The following GRIA3 variants were observed in gnomAD, a reference collection of about 807,000 sequenced individuals.
GRIA3 encodes glutamate receptor 3.
Under a neutral mutation model 63.0 loss-of-function variants are expected in GRIA3, and 3 were observed. The observed-to-expected ratio is 0.05, with a 90% CI of 0.02 to 0.12. The LOEUF (loss-of-function observed/expected upper bound fraction) is 0.12. Ranked by LOEUF, GRIA3 falls within the 10% of genes least tolerant of loss-of-function variation. The probability of loss-of-function intolerance (pLI) is 1.00; values close to 1 mark genes in which losing one functional copy is unlikely to be tolerated. For missense variants in GRIA3, 347 were observed against 700.9 expected (o/e 0.50, Z 5.70); for synonymous variants, 274 against 257.9 (o/e 1.06, Z -0.60).
chrX:123,418,357 A>C (rs1316005570), intron 11 of GRIA3, among the ~76,000 whole-genome samples: 2 of 111,795 alleles, frequency 1.8e-5, no homozygotes, highest in Non-Finnish European at 3.8e-5. Flanking sequence ...GTTTGGACAA[A>C]GTGCTCTTAG....
chrX:123,302,725 C>T, intron 3 of GRIA3, among the ~76,000 whole-genome samples: 1 of 111,446 alleles, frequency 9.0e-6, no homozygotes, highest in Non-Finnish European at 1.9e-5. Context: ...TTAGAGAAGT[C>T]AAGGGTAACA....
intron 4 of GRIA3, among the ~76,000 whole-genome samples, chrX:123,330,261 A>T (rs1001532448): frequency 2.7e-5 from 3 of 112,005 alleles, no homozygotes; most frequent in African/African-American, 9.7e-5. Flanking sequence ...TTTTATCCCA[A>T]ATTTACAGAT....
intron 3 of GRIA3, among the ~76,000 whole-genome samples, chrX:123,269,733 A>G (rs1436217391): frequency 8.9e-6 from 1 of 111,933 alleles, no homozygotes; most frequent in Non-Finnish European, 1.9e-5. Context: ...ATTTCCTTCC[A>G]ACAATCCTAA....
chrX:123,378,697 C>T (rs2045302808), intron 5 of GRIA3, among the ~76,000 whole-genome samples: 1 of 111,334 alleles, frequency 9.0e-6, no homozygotes, highest in Admixed American at 9.6e-5. Flanking sequence ...CAGGCATGAG[C>T]CACCATTCCT....
At chrX:123,417,375 T>C (rs1200383163) in intron 10 of GRIA3, 27 bp from the exon 11 acceptor site, 2 of 1,159,045 alleles carry the variant, frequency 1.7e-6, no homozygotes, top group Non-Finnish European at 2.4e-6. Context: ...AAGTCATATA[T>C]GTTTTCTTTT....
intron 12 of GRIA3, among the ~76,000 whole-genome samples, chrX:123,461,092 GAT>G (rs1401904077): frequency 8.9e-6 from 1 of 112,175 alleles, no homozygotes; most frequent in Non-Finnish European, 1.9e-5. Flanking sequence ...GTGCTATAAA[GAT>G]AGTGCTGGTA....
In GRIA3 at chrX:123,184,389, C is replaced by G. The variant is rs1927184956; in HGVS notation, c.-147C>G. The G allele has an allele frequency of 5.7e-6, 3 of 527,692 alleles. No individual in the cohort carries two copies. In the South Asian group the frequency reaches 7.7e-5, roughly 14 times the overall value. The allele number at this position is 527,692 out of a possible 1,213,427, so 43.5% of individuals were successfully genotyped here. ...CGGCGGCAGCGGAGGAGGAGGAGGA[C>G]TAGTGTGGGGTGGAAAGGAAGAGTG... On this transcript the variant is annotated 5_prime_UTR_variant, in exon 1 of 16. Transcript: ENST00000620443.
chrX:123,465,539 T>C, intron 13 of GRIA3: 1 of 536,615 alleles, frequency 1.9e-6, no homozygotes, highest in Non-Finnish European at 3.3e-6. Flanking sequence ...AACCCTGTAT[T>C]TGCTGTACAG....
At chrX:123,443,748 T>C (rs918646818) in intron 12 of GRIA3, among the ~76,000 whole-genome samples, 4 of 111,432 alleles carry the variant, frequency 3.6e-5, no homozygotes, top group Non-Finnish European at 5.6e-5. Flanking sequence ...TGAATAGCCA[T>C]AGATATTAGT....
intron 13 of GRIA3, among the ~76,000 whole-genome samples, chrX:123,473,498 C>T (rs1173503543): frequency 8.9e-6 from 1 of 111,735 alleles, no homozygotes; most frequent in Non-Finnish European, 1.9e-5. Flanking sequence ...CCTGTTATGT[C>T]CTGGGTGATG....
chrX:123,243,433 C>G (rs185865879), intron 2 of GRIA3, among the ~76,000 whole-genome samples: 5 of 111,801 alleles, frequency 4.5e-5, no homozygotes, highest in Admixed American at 3.8e-4. Flanking sequence ...CATGTTCCAG[C>G]CAGGCTAGTC....
chrX:123,386,009 ACT>A (rs1437432161), intron 5 of GRIA3, among the ~76,000 whole-genome samples: 1 of 111,789 alleles, frequency 8.9e-6, no homozygotes, highest in African/African-American at 3.2e-5. Flanking sequence ...AAATCTTCAC[ACT>A]GTTTTCCATA....
intron 5 of GRIA3, among the ~76,000 whole-genome samples, chrX:123,390,318 C>T (rs1457878073): frequency 2.7e-5 from 3 of 111,820 alleles, no homozygotes; most frequent in Non-Finnish European, 5.6e-5. Context: ...TTTTATATGG[C>T]TAGTCTAGCA....
chrX:123,185,126 G>A (rs1927224647), intron 1 of GRIA3: 2 of 282,891 alleles, frequency 7.1e-6, no homozygotes, highest in African/African-American at 5.5e-5. Context: ...CTGGTGCTGG[G>A]GGAGGTGGAG....
chrX:123,389,691 G>T lies in GRIA3; in HGVS notation c.751-5277G>T, dbSNP rs369576170. 9.0e-3 allele frequency among the ~76,000 whole-genome samples: 260 copies of T among 28,869 alleles called. 2 individuals are homozygous for T. The highest frequency in any genetic ancestry group is 0.022 in the African/African-American group (250 of 11,154). The allele number at this position is 28,869 out of a possible 115,157, so 25.1% of individuals were successfully genotyped here. A position where few individuals can be genotyped will look rare whatever the true frequency, so the allele number is the denominator to read the frequency against. Reference sequence around the variant, plus strand: ...CAGTCTATATTTTTCTTTTGTTTTTGTTGTTGTTGTTGTTGTTGTTGTTGT... The same window carrying T: ...CAGTCTATATTTTTCTTTTGTTTTTTTTGTTGTTGTTGTTGTTGTTGTTGT... On this transcript the variant is annotated intron_variant, in intron 5 of 15. Coordinates refer to ENST00000620443, the MANE Select transcript of GRIA3 (RefSeq NM_007325.5).
chrX:123,206,277 C>T (rs990993421), intron 2 of GRIA3, among the ~76,000 whole-genome samples: 4 of 111,907 alleles, frequency 3.6e-5, no homozygotes, highest in Non-Finnish European at 5.6e-5. Context: ...TCAGAATGGG[C>T]CGTGCTTTGC....
intron 3 of GRIA3, among the ~76,000 whole-genome samples, chrX:123,311,133 A>T (rs192340842): frequency 2.7e-4 from 30 of 112,315 alleles, no homozygotes; most frequent in Non-Finnish European, 2.8e-4. Flanking sequence ...CCAGAATGGA[A>T]AAAAACAACC....
chrX:123,450,931 AG>A (rs1485305948), intron 12 of GRIA3, among the ~76,000 whole-genome samples: 1 of 112,120 alleles, frequency 8.9e-6, no homozygotes, highest in African/African-American at 3.2e-5. Context: ...CAGATGGAAT[AG>A]CGTTAGCAAA....
intron 2 of GRIA3, among the ~76,000 whole-genome samples, chrX:123,245,992 A>G (rs893112070): frequency 9.0e-6 from 1 of 111,320 alleles, no homozygotes; most frequent in African/African-American, 3.3e-5. Context: ...CGAGCTCCCT[A>G]GCTGTCAGAG....
Sources: gnomAD v4.1 joint callset for allele counts (sites outside exome capture counted in the v4.1 genomes callset) on GRCh38, gnomAD v4.1.1 for gene constraint, MANE v1.5 for transcripts, NCBI Gene and HGNC (gene_info 2026-07-23, HGNC 2026-07-21) for gene names.